The following SUMF1 variants were observed in gnomAD, a reference collection of about 807,000 sequenced individuals.
The protein encoded by SUMF1 is formylglycine-generating enzyme.
In SUMF1, 48 loss-of-function variants were observed where a neutral mutation model predicts 47.6. That is an observed-to-expected ratio of 1.01 (90% confidence interval 0.80 to 1.28). The LOEUF (loss-of-function observed/expected upper bound fraction) is 1.28, where lower values mean the gene tolerates loss of function less well. SUMF1 is among the 50% of genes most tolerant of loss of function. The probability of loss-of-function intolerance (pLI) is 0.00; values close to 1 mark genes in which losing one functional copy is unlikely to be tolerated. For synonymous variants in SUMF1, 230 were observed against 192.1 expected (o/e 1.20, Z -1.63); for missense variants, 571 against 485.4 (o/e 1.18, Z -1.66).
At chr3:4,330,772 G>T (rs1433347776) in intron 8 of SUMF1, among the ~76,000 whole-genome samples, 1 of 152,100 alleles carries the variant, frequency 6.6e-6, no homozygotes, top group African/African-American at 2.4e-5. Context: ...AAAGAGAAAA[G>T]CAAATTTTAC....
chr3:4,120,157 C>A (rs1157856351), intron 8 of SUMF1, among the ~76,000 whole-genome samples: 2 of 152,000 alleles, frequency 1.3e-5, no homozygotes, highest in Non-Finnish European at 2.9e-5. Context: ...ATTAAAGTTG[C>A]CAATTTTGTA....
chr3:4,205,776 A>C (rs1695638124), intron 8 of SUMF1, among the ~76,000 whole-genome samples: 1 of 151,958 alleles, frequency 6.6e-6, no homozygotes, highest in Non-Finnish European at 1.5e-5. Flanking sequence ...ACTTTCTCCC[A>C]CAGAGTCTCT....
chr3:4,232,722 G>T (rs1696329128), intron 8 of SUMF1, among the ~76,000 whole-genome samples: 1 of 151,930 alleles, frequency 6.6e-6, no homozygotes, highest in Non-Finnish European at 1.5e-5. Flanking sequence ...GCAGTCCGGG[G>T]TATAGAAGAT....
chr3:4,303,257 A>T, intron 8 of SUMF1: 1 of 1,211,622 alleles, frequency 8.3e-7, no homozygotes, highest in Non-Finnish European at 1.1e-6. Context: ...GCCACTCCTG[A>T]GAAGAAACGA....
chr3:4,235,330 G>T (rs1224755340), intron 8 of SUMF1, among the ~76,000 whole-genome samples: 1 of 152,062 alleles, frequency 6.6e-6, no homozygotes, highest in Non-Finnish European at 1.5e-5. Context: ...AGTTCTAGGG[G>T]TAAGGATAAA....
chr3:4,316,853 T>C (rs987075644), intron 8 of SUMF1: 1 of 1,549,916 alleles, frequency 6.5e-7, no homozygotes, highest in Non-Finnish European at 8.7e-7. Context: ...GTGAAACCAT[T>C]ACATCTGAGA....
chr3:4,198,736 C>T (rs927131860), intron 8 of SUMF1, among the ~76,000 whole-genome samples: 4 of 152,008 alleles, frequency 2.6e-5, no homozygotes, highest in Non-Finnish European at 5.9e-5. Flanking sequence ...CTCACTCAAC[C>T]CTCTCCCGCT....
intron 3 of SUMF1, among the ~76,000 whole-genome samples, chr3:4,436,908 G>T (rs1702422306): frequency 6.7e-6 from 1 of 150,048 alleles, no homozygotes; most frequent in Non-Finnish European, 1.5e-5. Flanking sequence ...ACTAATGACT[G>T]ACTTCTTAAA....
chr3:4,274,541 G>A (rs1697374391), intron 8 of SUMF1, among the ~76,000 whole-genome samples: 1 of 152,116 alleles, frequency 6.6e-6, no homozygotes, highest in Admixed American at 6.5e-5. Context: ...GATAAACATA[G>A]GTAAGACTAT....
At chr3:4,116,409 G>A (rs920661975) in intron 8 of SUMF1, among the ~76,000 whole-genome samples, 1 of 152,084 alleles carries the variant, frequency 6.6e-6, no homozygotes, top group African/African-American at 2.4e-5. Context: ...TTCCTGCAAA[G>A]TTTTCCCATA....
intron 8 of SUMF1, among the ~76,000 whole-genome samples, chr3:4,103,143 G>T (rs2322519): frequency 0.11 from 17,355 of 151,090 alleles, 2,009 homozygotes; most frequent in African/African-American, 0.28. Flanking sequence ...GGCTGATCTC[G>T]AACTCCTGAC....
Position 4,312,935 on chromosome 3 carries a change from T to C in SUMF1, c.1014+63395A>G, listed in dbSNP as rs763472231. On this transcript the variant is annotated intron_variant and NMD_transcript_variant, in intron 8 of 12. Coordinates refer to the SUMF1 transcript ENST00000448413. Reference sequence around the variant, plus strand: ...CATGTAGTTGGACCTGGAGCAGACATTGATCCCACTCAAATAACCTTTCCC... The same window carrying C: ...CATGTAGTTGGACCTGGAGCAGACACTGATCCCACTCAAATAACCTTTCCC... 58 of 1,613,458 alleles carry C rather than the reference T, an allele frequency of 3.6e-5. No homozygotes were observed. Among genetic ancestry groups the C allele is most frequent in the Non-Finnish European group, 4.7e-5 (55 of 1,179,658 alleles).
At chr3:4,365,786 T>C (rs1699932169) in intron 8 of SUMF1, among the ~76,000 whole-genome samples, 1 of 151,310 alleles carries the variant, frequency 6.6e-6, no homozygotes, top group Non-Finnish European at 1.5e-5. Flanking sequence ...TTTTGCTCGT[T>C]AGTTGATGCA....
At chr3:4,108,554 G>C (rs966556472) in intron 8 of SUMF1, among the ~76,000 whole-genome samples, 10 of 152,104 alleles carry the variant, frequency 6.6e-5, no homozygotes, top group African/African-American at 1.7e-4. Flanking sequence ...TGGTGTGGGA[G>C]TCTAAGTCTC....
intron 8 of SUMF1, among the ~76,000 whole-genome samples, chr3:4,074,387 G>A (rs560342330): frequency 4.3e-4 from 66 of 152,154 alleles, no homozygotes; most frequent in Middle Eastern, 3.4e-3. Flanking sequence ...AGAGAAAGCA[G>A]GAAAGATCTA....
intron 8 of SUMF1, among the ~76,000 whole-genome samples, chr3:4,090,952 G>C (rs1367349393): frequency 6.6e-6 from 1 of 151,874 alleles, no homozygotes; most frequent in African/African-American, 2.4e-5. Flanking sequence ...GTGGAGGCAC[G>C]CACCCATAAT....
intron 8 of SUMF1, among the ~76,000 whole-genome samples, chr3:4,209,059 G>A (rs1475312622): frequency 2.0e-5 from 3 of 152,110 alleles, no homozygotes. Context: ...TGTAGAATCA[G>A]TATGATTTCT....
At chr3:4,207,381 G>C (rs1318075788) in intron 8 of SUMF1, among the ~76,000 whole-genome samples, 2 of 152,130 alleles carry the variant, frequency 1.3e-5, no homozygotes, top group African/African-American at 4.8e-5. Flanking sequence ...TAAAAGTGAT[G>C]AGAAGAGACA....
At chr3:4,070,018 C>T (rs1313781976) in intron 8 of SUMF1, among the ~76,000 whole-genome samples, 2 of 152,120 alleles carry the variant, frequency 1.3e-5, no homozygotes, top group Non-Finnish European at 2.9e-5. Context: ...CTGAGAAATT[C>T]CTCTGCACAA....
Sources: allele counts gnomAD v4.1 joint callset (sites outside exome capture counted in the v4.1 genomes callset), GRCh38; gene constraint gnomAD v4.1.1; transcripts MANE v1.5; gene names NCBI Gene and HGNC (gene_info 2026-07-23, HGNC 2026-07-21).